Variants in CERS6 observed in about 807,000 individuals in gnomAD.
CERS6 encodes LAG1 homolog, ceramide synthase 6.
Under a neutral mutation model 56.8 loss-of-function variants are expected in CERS6, and 26 were observed. The observed-to-expected ratio is 0.46, with a 90% CI of 0.34 to 0.63. The LOEUF (loss-of-function observed/expected upper bound fraction) is 0.63. Among genes scored for constraint, CERS6 ranks in the 30% least tolerant of loss-of-function variants. The pLI is 0.01. For missense variants in CERS6, 415 were observed against 467.5 expected (o/e 0.89, Z 1.04); for synonymous variants, 164 against 173.3 (o/e 0.95, Z 0.42).
At chr2:168,672,430 C>A (rs1162177827) in intron 4 of CERS6, among the ~76,000 whole-genome samples, 2 of 152,170 alleles carry the variant, frequency 1.3e-5, no homozygotes, top group Non-Finnish European at 2.9e-5. Flanking sequence ...TTGTAGACAT[C>A]AGCGAAGTCA....
intron 1 of CERS6, among the ~76,000 whole-genome samples, chr2:168,535,053 C>T (rs1010134684): frequency 2.6e-5 from 4 of 152,222 alleles, no homozygotes; most frequent in African/African-American, 9.6e-5. Context: ...ACCAAGCCGT[C>T]CAGCCTCCCT....
At chr2:168,540,016 G>T (rs550360495) in intron 1 of CERS6, among the ~76,000 whole-genome samples, 1 of 152,310 alleles carries the variant, frequency 6.6e-6, no homozygotes, top group East Asian at 1.9e-4. Context: ...CCATCTGGTT[G>T]TGTTGCCTTT....
intron 8 of CERS6, among the ~76,000 whole-genome samples, chr2:168,743,341 A>AT (rs898599770): frequency 6.6e-6 from 1 of 152,074 alleles, no homozygotes; most frequent in African/African-American, 2.4e-5. Context: ...AGCTTTATAT[A>AT]TAAGAGTTGT....
At chr2:168,614,591 T>C (rs1052970185) in intron 3 of CERS6, among the ~76,000 whole-genome samples, 2 of 152,104 alleles carry the variant, frequency 1.3e-5, no homozygotes, top group Non-Finnish European at 2.9e-5. Flanking sequence ...TGCCTGTAAT[T>C]GCTGGCTTTC....
At chr2:168,495,207 G>A (rs148195153) in intron 1 of CERS6, among the ~76,000 whole-genome samples, 192 of 152,322 alleles carry the variant, frequency 1.3e-3, no homozygotes, top group African/African-American at 4.5e-3. Context: ...CCTAGTCAAA[G>A]TCATTAATAG....
At chr2:168,734,383 G>A (rs1369802557) in intron 8 of CERS6, among the ~76,000 whole-genome samples, 1 of 152,224 alleles carries the variant, frequency 6.6e-6, no homozygotes, top group Non-Finnish European at 1.5e-5. Context: ...GCCCATCACA[G>A]CTGAGTGACA....
At chr2:168,674,766 C>T (rs995557100) in intron 4 of CERS6, among the ~76,000 whole-genome samples, 5 of 152,086 alleles carry the variant, frequency 3.3e-5, no homozygotes, top group Admixed American at 1.3e-4. Flanking sequence ...TATTCAGAGA[C>T]GGGTTTTTTT....
chr2:168,504,721 T>C (rs1558975454), intron 1 of CERS6, among the ~76,000 whole-genome samples: 1 of 152,022 alleles, frequency 6.6e-6, no homozygotes, highest in Admixed American at 6.5e-5. Context: ...CCCTTTCCAT[T>C]TGGTTTCTGG....
intron 8 of CERS6, among the ~76,000 whole-genome samples, chr2:168,733,078 G>A (rs946782023): frequency 3.9e-5 from 6 of 152,168 alleles, no homozygotes; most frequent in African/African-American, 1.4e-4. Flanking sequence ...GTAATTAAAT[G>A]TGGAGATATT....
chr2:168,552,902 A>T (rs1489714056), intron 2 of CERS6, among the ~76,000 whole-genome samples: 1 of 152,228 alleles, frequency 6.6e-6, no homozygotes, highest in Non-Finnish European at 1.5e-5. Context: ...AATTTTCACT[A>T]GAATAATGAG....
At chr2:168,513,618 C>T (rs1574034870) in intron 1 of CERS6, among the ~76,000 whole-genome samples, 1 of 152,166 alleles carries the variant, frequency 6.6e-6, no homozygotes, top group African/African-American at 2.4e-5. Context: ...ATGTCAAGGG[C>T]ATATACCACC....
intron 3 of CERS6, among the ~76,000 whole-genome samples, chr2:168,629,734 A>G (rs1684668235): frequency 6.6e-6 from 1 of 152,220 alleles, no homozygotes; most frequent in Non-Finnish European, 1.5e-5. Context: ...AATTTGTACA[A>G]CAAACAGAAA....
At chr2:168,721,554 G>GTTTTTTT (rs5836196) in intron 8 of CERS6, among the ~76,000 whole-genome samples, 1 of 77,394 alleles carries the variant, frequency 1.3e-5, no homozygotes, top group Non-Finnish European at 2.5e-5. Flanking sequence ...TTTTGTTTTT[G>GTTTTTTT]TTTTTTTTTT....
chr2:168,537,652 T>C (rs1198162440), intron 1 of CERS6, among the ~76,000 whole-genome samples: 3 of 152,232 alleles, frequency 2.0e-5, no homozygotes, highest in African/African-American at 2.4e-5. Flanking sequence ...ACATTAAACA[T>C]TGGAGTCACC....
intron 1 of CERS6, among the ~76,000 whole-genome samples, chr2:168,485,747 A>G (rs13427346): frequency 0.077 from 11,788 of 152,238 alleles, 511 homozygotes; most frequent in East Asian, 0.18. Flanking sequence ...TTCACCTATT[A>G]AAGGACGTCT....
At position 168,663,078 on chromosome 2, in the gene CERS6, G is replaced by A. The variant is rs1476009126; in HGVS notation, c.466-27956G>A. On this transcript the variant is annotated intron_variant, in intron 4 of 9. Transcript: ENST00000305747. ...CCCGCTTGAGTTCAGATCTTTAGGA[G>A]GTTTATGTTGTTTTGCATTCATTTA... Among the ~76,000 whole-genome samples, 3 of 152,282 alleles carry A rather than the reference G, an allele frequency of 2.0e-5. No individual in the cohort carries two copies. The South Asian group carries it at 6.2e-4, about 32-fold the overall frequency.
At chr2:168,460,647 A>G (rs1032193808) in intron 1 of CERS6, among the ~76,000 whole-genome samples, 14 of 152,256 alleles carry the variant, frequency 9.2e-5, no homozygotes, top group African/African-American at 3.4e-4. Flanking sequence ...CAAAGATTCT[A>G]TAGAGAAAGC....
intron 2 of CERS6, among the ~76,000 whole-genome samples, chr2:168,554,141 A>G (rs559252239): frequency 6.6e-6 from 1 of 152,186 alleles, no homozygotes; most frequent in East Asian, 1.9e-4. Flanking sequence ...AACCACTAGA[A>G]CAAAAATTAC....
At chr2:168,495,354 T>C (rs1213501123) in intron 1 of CERS6, among the ~76,000 whole-genome samples, 2 of 152,198 alleles carry the variant, frequency 1.3e-5, no homozygotes, top group African/African-American at 4.8e-5. Context: ...AAAACAATAG[T>C]CACCTGAGGT....
Sources: gnomAD v4.1 joint callset for allele counts (sites outside exome capture counted in the v4.1 genomes callset) on GRCh38, gnomAD v4.1.1 for gene constraint, MANE v1.5 for transcripts, NCBI Gene and HGNC (gene_info 2026-07-23, HGNC 2026-07-21) for gene names.